A2M: variants seen among roughly 807,000 people sequenced by gnomAD.
A2M encodes alpha-2-macroglobulin.
Under a neutral mutation model 183.9 loss-of-function variants are expected in A2M, and 128 were observed. That is an observed-to-expected ratio of 0.70 (90% CI 0.60 to 0.81). The LOEUF is 0.81. A2M is among the 30% of genes least tolerant of loss of function. The probability of loss-of-function intolerance (pLI) is 0.00; values close to 1 mark genes in which losing one functional copy is unlikely to be tolerated. For synonymous variants in A2M, 592 were observed against 670.8 expected, an observed-to-expected ratio of 0.88 and a Z score of 1.81; for missense variants, 1,495 against 1,787.6, an observed-to-expected ratio of 0.84 and a Z score of 2.95.
Position 9,072,753 on chromosome 12 carries a change from A to G in A2M, c.3875T>C (p.Val1292Ala), listed in dbSNP as rs1592329629. Residue 1292 changes from valine to alanine, a missense_variant, in exon 30 of 36, where the codon GTG becomes GCG. Coordinates refer to ENST00000318602, the MANE Select transcript of A2M (RefSeq NM_000014.6). ...CAGTAACAGGCGGTTGTTGTTGTCC[A>G]CTTGGAATTTGCTGGAAAATGTCCC... ...SSGTFSSKFQ[V>A]DNNNRLLLQQ... is the part of the protein sequence containing the mutation. 1 of 1,614,186 alleles carries G rather than the reference A, an allele frequency of 6.2e-7. No individual in the cohort carries two copies. The highest frequency in any genetic ancestry group is 1.7e-5 in the Admixed American group (1 of 60,024).
chr12:9,091,986 G>A (rs56016864), intron 18 of A2M, among the ~76,000 whole-genome samples: 1,895 of 152,294 alleles, frequency 0.012, 35 homozygotes, highest in African/African-American at 0.041. Flanking sequence ...TTAGCAATGC[G>A]TTTGAAAGAA....
intron 17 of A2M, 93 bp downstream of exon 17, chr12:9,094,876 CTTTT>C: frequency 1.7e-6 from 1 of 593,476 alleles, no homozygotes; most frequent in Non-Finnish European, 2.7e-6. Context: ...CTCACATGTC[CTTTT>C]TGTTTGTTAA....
intron 11 of A2M, 52 bp from the exon 12 acceptor site, chr12:9,101,726 A>G (rs1937874050): frequency 7.2e-7 from 1 of 1,394,456 alleles, no homozygotes; most frequent in Admixed American, 2.0e-5. Flanking sequence ...CATAAAGATT[A>G]ATGTTCTCAC....
intron 33 of A2M, chr12:9,069,100 T>C: frequency 3.5e-6 from 1 of 287,582 alleles, no homozygotes; most frequent in Non-Finnish European, 6.4e-6. Flanking sequence ...TGATATATAC[T>C]TTTTATTGGA....
At chr12:9,103,246 A>G (rs1406137554) in intron 11 of A2M, among the ~76,000 whole-genome samples, 2 of 152,222 alleles carry the variant, frequency 1.3e-5, no homozygotes, top group African/African-American at 2.4e-5. Context: ...ATTTCACTTA[A>G]TCTTCACAAC....
chr12:9,085,206 A>G (rs1394961730), intron 22 of A2M, among the ~76,000 whole-genome samples: 1 of 152,090 alleles, frequency 6.6e-6, no homozygotes, highest in Non-Finnish European at 1.5e-5. Context: ...AGAACATTTC[A>G]TCTCAAGCAC....
In A2M at chr12:9,088,688, T is replaced by C. The variant is rs145637911; in HGVS notation, c.2770+512A>G. On this transcript the variant is annotated intron_variant, in intron 22 of 35. Transcript: ENST00000318602. Reference sequence around the variant, plus strand: ...AAATTTTTCCTGTAAGTTTCTTCAGTTCCTTCTCAAATGTTTGATAGGGCA... The same window carrying C: ...AAATTTTTCCTGTAAGTTTCTTCAGCTCCTTCTCAAATGTTTGATAGGGCA... 2.8e-4 allele frequency among the ~76,000 whole-genome samples: 43 copies of C among 152,300 alleles called. No individual in the cohort carries two copies. In the East Asian group the frequency reaches 7.1e-3, roughly 25 times the overall value.
chr12:9,079,378 C>T (rs925429060), intron 24 of A2M, 47 bp from the exon 25 acceptor site: 1 of 1,532,896 alleles, frequency 6.5e-7, no homozygotes, highest in Non-Finnish European at 9.0e-7. Flanking sequence ...AATGTGCATG[C>T]TGAGGGTGGA....
intron 33 of A2M, chr12:9,069,049 C>T: frequency 4.4e-6 from 2 of 456,792 alleles, no homozygotes; most frequent in South Asian, 4.6e-5. Context: ...ACGCATATAC[C>T]TCTGTCAATG....
At chr12:9,096,697 G>A (rs1949391467) in intron 15 of A2M, among the ~76,000 whole-genome samples, 2 of 152,220 alleles carry the variant, frequency 1.3e-5, no homozygotes, top group African/African-American at 4.8e-5. Context: ...AAGAACAGAT[G>A]AGCAAAGTGA....
intron 8 of A2M, among the ~76,000 whole-genome samples, chr12:9,107,314 C>T (rs757558337): frequency 6.6e-6 from 1 of 152,252 alleles, no homozygotes; most frequent in South Asian, 2.1e-4. Flanking sequence ...GGCTCAGTGT[C>T]TATCGTTCTG....
rs752499848 is a variant in A2M at position 9,109,448 on chromosome 12, T to C, written c.674-43A>G. 1.3e-5 allele frequency: 19 copies of C among 1,469,800 alleles called. No individual in the cohort carries two copies. The Admixed American group carries it at 3.2e-4, about 24-fold the overall frequency. 91.0% of individuals were successfully genotyped at this position (1,469,800 alleles called of 1,614,324 possible). On this transcript the variant is annotated intron_variant, in intron 6 of 35. Transcript: ENST00000318602. ...AGAAGGTTGGTGATTGGTTTTCAAC[T>C]TTGGGGGAATTCCTATTTTCAGGTT... is the stretch of plus-strand genomic sequence containing the variant.
In A2M at chr12:9,070,596, G is replaced by GA; in HGVS notation, c.4104-19dup. The GA allele has an allele frequency of 6.4e-7, 1 of 1,570,798 alleles. No homozygotes were observed. Among genetic ancestry groups the GA allele is most frequent in the Non-Finnish European group, 8.7e-7 (1 of 1,142,878 alleles). ...CTGTGTAACTGAGGATCCAGGGGAG[G>GA]AAAGGATTAGGGTTTTCTGTGTTTT... On this transcript the variant is annotated intron_variant, in intron 31 of 35. Coordinates refer to ENST00000318602, the MANE Select transcript of A2M (RefSeq NM_000014.6).
Position 9,079,831 on chromosome 12 carries a change from G to T in A2M, c.2855-16C>A. 6.4e-7 allele frequency: 1 copy of T among 1,560,710 alleles called. No homozygotes were observed. Among genetic ancestry groups the T allele is most frequent in the Non-Finnish European group, 8.7e-7 (1 of 1,154,528 alleles). ...AATATGTCTCCTAGAGAATGGGAGA[G>T]ATGGGAAGTCATAAAGCTTGGAGAT... On this transcript the variant is annotated splice_polypyrimidine_tract_variant and intron_variant, in intron 23 of 35. Coordinates refer to ENST00000318602, the MANE Select transcript of A2M (RefSeq NM_000014.6).
chr12:9,099,372 AACAC>A lies in A2M; in HGVS notation c.1701+5_1701+8del. The A allele has an allele frequency of 6.4e-7, 1 of 1,553,056 alleles. No homozygotes were observed. The highest frequency in any genetic ancestry group is 8.7e-7 in the Non-Finnish European group (1 of 1,147,448). On this transcript the variant is annotated splice_donor_5th_base_variant and intron_variant, in intron 14 of 35. Transcript: ENST00000318602. ...ACATGTTGAAGATTTTATGATCTAA[AACAC>A]ACACCTTGTTGGCCAGACAATTTTC...
chr12:9,069,711 C>A, intron 33 of A2M, 34 bp downstream of exon 33: 1 of 1,561,534 alleles, frequency 6.4e-7, no homozygotes, highest in Non-Finnish European at 8.8e-7. Flanking sequence ...TTATTATCTA[C>A]GTTTTTTTGC....
intron 4 of A2M, 53 bp downstream of exon 4, chr12:9,112,106 T>G (rs981328164): frequency 6.4e-7 from 1 of 1,570,816 alleles, no homozygotes; most frequent in Non-Finnish European, 8.8e-7. Context: ...AAAAAACAGG[T>G]TCCCAGCCTG....
intron 6 of A2M, 133 bp downstream of exon 6, chr12:9,109,734 G>A (rs1565603736): frequency 1.2e-6 from 1 of 840,746 alleles, no homozygotes; most frequent in East Asian, 2.5e-5. Context: ...ATTGGACTTA[G>A]GTGTAATTAA....
chr12:9,074,412 A>G, intron 29 of A2M, 148 bp downstream of exon 29: 1 of 786,554 alleles, frequency 1.3e-6, no homozygotes, highest in Admixed American at 2.9e-5. Flanking sequence ...ATTTGCTTTT[A>G]TTTCCATTAT....
Sources: gnomAD v4.1 joint callset for allele counts (sites outside exome capture counted in the v4.1 genomes callset) on GRCh38, gnomAD v4.1.1 for gene constraint, MANE v1.5 for transcripts, NCBI Gene and HGNC (gene_info 2026-07-23, HGNC 2026-07-21) for gene names.